Variants in PARVA observed in about 807,000 individuals in gnomAD.
PARVA encodes the protein parvin alpha.
PARVA carries 25 observed loss-of-function variants against 52.6 expected under a neutral mutation model. The observed-to-expected ratio is 0.48, with a 90% confidence interval of 0.35 to 0.66. The LOEUF is 0.66. Ranked by LOEUF, PARVA falls within the 30% of genes least tolerant of loss-of-function variation. The probability of loss-of-function intolerance (pLI) is 0.01; values close to 1 mark genes in which losing one functional copy is unlikely to be tolerated. For synonymous variants in PARVA, 185 were observed against 179.1 expected, an observed-to-expected ratio of 1.03 and a Z score of -0.26; for missense variants, 373 against 450.9, an observed-to-expected ratio of 0.83 and a Z score of 1.56.
chr11:12,435,820 C>T (rs1940379456), intron 1 of PARVA, among the ~76,000 whole-genome samples: 1 of 151,844 alleles, frequency 6.6e-6, no homozygotes, highest in South Asian at 2.1e-4. Flanking sequence ...TTCTGTTTTG[C>T]TTTGTTTTGT....
At chr11:12,454,576 TAAAAA>T (rs55992909) in intron 1 of PARVA, among the ~76,000 whole-genome samples, 1 of 142,750 alleles carries the variant, frequency 7.0e-6, no homozygotes, top group Non-Finnish European at 1.5e-5. Flanking sequence ...AAGTATCATT[TAAAAA>T]AAAAAAAAAG....
At chr11:12,400,328 C>T (rs1382586831) in intron 1 of PARVA, among the ~76,000 whole-genome samples, 1 of 152,130 alleles carries the variant, frequency 6.6e-6, no homozygotes. Flanking sequence ...CGTGCATAAA[C>T]CCATTTATAT....
intron 1 of PARVA, among the ~76,000 whole-genome samples, chr11:12,426,296 T>G (rs897780640): frequency 2.6e-5 from 4 of 152,146 alleles, no homozygotes; most frequent in Admixed American, 1.3e-4. Context: ...AAGAAGCCTG[T>G]CTGAGGGAAC....
intron 1 of PARVA, among the ~76,000 whole-genome samples, chr11:12,458,261 C>T (rs1940725107): frequency 6.6e-6 from 1 of 152,192 alleles, no homozygotes; most frequent in Non-Finnish European, 1.5e-5. Context: ...AATGGACAGT[C>T]CTCGGCGCAG....
At chr11:12,449,897 T>C (rs1940600828) in intron 1 of PARVA, among the ~76,000 whole-genome samples, 1 of 152,218 alleles carries the variant, frequency 6.6e-6, no homozygotes, top group Non-Finnish European at 1.5e-5. Flanking sequence ...TGAGCTGATG[T>C]ATTGTCTTAG....
At chr11:12,434,063 C>T (rs1207750110) in intron 1 of PARVA, among the ~76,000 whole-genome samples, 1 of 152,172 alleles carries the variant, frequency 6.6e-6, no homozygotes, top group Non-Finnish European at 1.5e-5. Context: ...CAGGTCTGAG[C>T]ACCGCGAGCA....
In PARVA at chr11:12,499,173, T is replaced by A. The variant is rs576765870; in HGVS notation, c.541+2575T>A. On this transcript the variant is annotated intron_variant, in intron 5 of 12. Coordinates refer to ENST00000334956, the MANE Select transcript of PARVA (RefSeq NM_018222.5). Reference sequence around the variant, plus strand: ...AGATGGATTACTAGGTCAGAGGGAATAATTATCTCATCTTGGTGGCTAGCT... The same window carrying A: ...AGATGGATTACTAGGTCAGAGGGAAAAATTATCTCATCTTGGTGGCTAGCT... 5.3e-5 allele frequency among the ~76,000 whole-genome samples: 8 copies of A among 152,328 alleles called. No homozygotes were observed. In the East Asian group the frequency reaches 1.5e-3, roughly 29 times the overall value.
chr11:12,517,787 T>A, intron 11 of PARVA, 76 bp downstream of exon 11: 1 of 1,036,376 alleles, frequency 9.6e-7, no homozygotes, highest in African/African-American at 1.6e-5. Flanking sequence ...ATGCTGGGGC[T>A]ATCCAGAAAA....
intron 10 of PARVA, among the ~76,000 whole-genome samples, chr11:12,516,279 T>C (rs1941566263): frequency 6.6e-6 from 1 of 152,200 alleles, no homozygotes; most frequent in Non-Finnish European, 1.5e-5. Flanking sequence ...AATGTGGCCT[T>C]CTCTAAACCC....
chr11:12,425,860 G>T (rs1940224180), intron 1 of PARVA, among the ~76,000 whole-genome samples: 1 of 152,196 alleles, frequency 6.6e-6, no homozygotes, highest in Non-Finnish European at 1.5e-5. Flanking sequence ...TTACCAGGCA[G>T]AGCCAGTAAA....
chr11:12,384,602 A>C (rs1287387136), intron 1 of PARVA, among the ~76,000 whole-genome samples: 1 of 152,220 alleles, frequency 6.6e-6, no homozygotes, highest in South Asian at 2.1e-4. Context: ...TGGCTAGAGA[A>C]GGCCTCACTA....
In PARVA at chr11:12,430,308, T is replaced by C. The variant is rs1482130349; in HGVS notation, c.137-43437T>C. ...CCTTTCTCAGTATAATTTACTTAAT[T>C]GCAACTTTGTATTTTAAATTTTAAT... On this transcript the variant is annotated intron_variant, in intron 1 of 12. Coordinates refer to ENST00000334956, the MANE Select transcript of PARVA (RefSeq NM_018222.5). Among the ~76,000 whole-genome samples, 3 of 152,218 alleles carry C rather than the reference T, an allele frequency of 2.0e-5. No homozygotes were observed. The East Asian group carries it at 5.8e-4, about 29-fold the overall frequency.
At chr11:12,502,084 T>C (rs1384554675) in intron 5 of PARVA, among the ~76,000 whole-genome samples, 2 of 152,142 alleles carry the variant, frequency 1.3e-5, no homozygotes, top group African/African-American at 4.8e-5. Context: ...CACATCAGGA[T>C]CTTTTTTTGA....
chr11:12,435,383 C>T (rs1940372994), intron 1 of PARVA, among the ~76,000 whole-genome samples: 1 of 152,186 alleles, frequency 6.6e-6, no homozygotes, highest in Non-Finnish European at 1.5e-5. Flanking sequence ...GAGGGTTGAC[C>T]ATTCCAAAGC....
chr11:12,411,515 TA>T (rs1939992514), intron 1 of PARVA, among the ~76,000 whole-genome samples: 1 of 152,232 alleles, frequency 6.6e-6, no homozygotes, highest in Non-Finnish European at 1.5e-5. Context: ...GAAGGTACCA[TA>T]GTACATTAGG....
At chr11:12,479,246 C>A (rs1228868929) in intron 4 of PARVA, 2 of 152,164 alleles carry the variant, frequency 1.3e-5, no homozygotes, top group East Asian at 3.9e-4. Context: ...TCCTTCTGAT[C>A]TCTAGAATTA....
At chr11:12,403,858 T>C (rs899701554) in intron 1 of PARVA, among the ~76,000 whole-genome samples, 3 of 152,210 alleles carry the variant, frequency 2.0e-5, no homozygotes, top group Non-Finnish European at 4.4e-5. Context: ...CTTTTGGCAG[T>C]GTAAACATGT....
At chr11:12,380,415 A>T (rs1468911707) in intron 1 of PARVA, among the ~76,000 whole-genome samples, 1 of 150,744 alleles carries the variant, frequency 6.6e-6, no homozygotes, top group Non-Finnish European at 1.5e-5. Context: ...CTATAGTCAT[A>T]GAGGGATGCA....
intron 7 of PARVA, 123 bp from the exon 8 acceptor site, chr11:12,511,391 G>A (rs1941500649): frequency 2.0e-6 from 2 of 991,130 alleles, no homozygotes; most frequent in Non-Finnish European, 3.1e-6. Context: ...TCAACCAAGG[G>A]CAGGTGGGTG....
Sources: allele counts gnomAD v4.1 joint callset (sites outside exome capture counted in the v4.1 genomes callset), GRCh38; gene constraint gnomAD v4.1.1; transcripts MANE v1.5; gene names NCBI Gene and HGNC (gene_info 2026-07-23, HGNC 2026-07-21).